Variants in ZNF600 observed in about 807,000 individuals in gnomAD.
ZNF600 encodes the protein zinc finger protein KR-ZNF1.
ZNF600 carries 4 observed loss-of-function variants against 7.3 expected under a neutral mutation model. The observed-to-expected ratio is 0.55, with a 90% confidence interval of 0.27 to 1.25. ZNF600 has a LOEUF of 1.25. Ranked by LOEUF, ZNF600 falls within the 50% of genes most tolerant of loss-of-function variation. ZNF600 has a pLI of 0.12. For missense variants in ZNF600, 911 were observed against 922.1 expected (o/e 0.99, Z 0.16); for synonymous variants, 290 against 308.9 (o/e 0.94, Z 0.64).
At chr19:52,807,557 C>A in the ZNF600 span, among the ~76,000 whole-genome samples, 2 of 152,168 alleles carry the variant, frequency 1.3e-5, no homozygotes, top group Admixed American at 1.3e-4. Flanking sequence ...CAATGCAAAA[C>A]TTGGCCTCCT....
chr19:52,804,086 G>A, the ZNF600 span, among the ~76,000 whole-genome samples: 1 of 152,184 alleles, frequency 6.6e-6, no homozygotes, highest in Non-Finnish European at 1.5e-5. Context: ...CTCATGAATA[G>A]GACTAGTGCA....
At chr19:52,783,330 G>C (rs982902696) in intron 1 of ZNF600, among the ~76,000 whole-genome samples, 1 of 152,060 alleles carries the variant, frequency 6.6e-6, no homozygotes, top group African/African-American at 2.4e-5. Flanking sequence ...GTCCCCCTTC[G>C]TCTTCATTAC....
At chr19:52,765,166 A>T (rs2062558522) in exon 4 of ZNF600, 1 of 448,076 alleles carries the variant, frequency 2.2e-6, no homozygotes, top group Non-Finnish European at 4.5e-6. Context: ...TACTCACTGC[A>T]TTGGGAACAG....
chr19:52,811,003 C>G, the ZNF600 span, among the ~76,000 whole-genome samples: 1 of 147,342 alleles, frequency 6.8e-6, no homozygotes, highest in Non-Finnish European at 1.5e-5. Context: ...GATTCTCCTG[C>G]CTCAGCCTGC....
In ZNF600 at chr19:52,765,678, G is replaced by C. The variant is rs369273562; in HGVS notation, c.2285C>G (p.Pro762Arg). The C allele has an allele frequency of 3.1e-5, 50 of 1,613,800 alleles. No homozygotes were observed. The highest frequency in any genetic ancestry group is 3.9e-5 in the Non-Finnish European group (46 of 1,179,832). Residue 762 changes from proline (P) to arginine (R), a missense_variant, in exon 4 of 4, where the codon CCT becomes CGT. Physicochemically the swap from Pro to Arg is moderately radical, Grantham distance 103 (BLOSUM62 -2). Transcript: ENST00000648973. ...TTTGCCACACTCATTACACTTGTAA[G>C]GTTTCTCTCCAGTGTGAAGTCCAGT...
intron 3 of ZNF600, 80 bp downstream of exon 5, chr19:52,774,495 C>T (rs1250663127): frequency 4.6e-5 from 44 of 963,218 alleles, no homozygotes; most frequent in Admixed American, 6.5e-5. Flanking sequence ...GGCAAAATCA[C>T]AAAAGAGAAC....
At chr19:52,787,859 CAAAAAAA>C (rs561775430), upstream of ZNF600, among the ~76,000 whole-genome samples, 2 of 84,518 alleles carry the variant, frequency 2.4e-5, no homozygotes, top group African/African-American at 8.6e-5. Flanking sequence ...GGCTACGTCT[CAAAAAAA>C]AAAAAGAAAA....
the ZNF600 span, among the ~76,000 whole-genome samples, chr19:52,827,123 T>C: frequency 2.6e-5 from 4 of 151,690 alleles, no homozygotes; most frequent in African/African-American, 9.7e-5. Context: ...CACATGCCTG[T>C]CATCCTAGCT....
exon 1 of ZNF600, chr19:52,786,732 C>T: frequency 2.7e-6 from 1 of 369,196 alleles, no homozygotes; most frequent in Admixed American, 2.6e-5. Context: ...AAAACTCACG[C>T]GCCGTGGTAG....
At chr19:52,773,526 C>A (rs1233508857) in intron 3 of ZNF600, among the ~76,000 whole-genome samples, 1 of 151,878 alleles carries the variant, frequency 6.6e-6, no homozygotes, top group Non-Finnish European at 1.5e-5. Context: ...ATGTAGGAGA[C>A]CATGGGGTTG....
intron 2 of ZNF600, among the ~76,000 whole-genome samples, chr19:52,774,920 G>C (rs917367783): frequency 6.6e-6 from 1 of 151,896 alleles, no homozygotes; most frequent in South Asian, 2.1e-4. Flanking sequence ...CAATTTCATA[G>C]ACAACATAAA....
intron 1 of ZNF600, 93 bp from the exon 4 acceptor site, chr19:52,779,000 G>GT: frequency 8.4e-7 from 1 of 1,194,566 alleles, no homozygotes; most frequent in Non-Finnish European, 1.1e-6. Context: ...TCACCCAGCA[G>GT]AAAGAAGTCC....
chr19:52,818,888 A>G, the ZNF600 span, among the ~76,000 whole-genome samples: 11 of 29,720 alleles, frequency 3.7e-4, 2 homozygotes, highest in Admixed American at 2.5e-3. Context: ...TGTTTGGGAA[A>G]AAAAAAAAAA....
chr19:52,776,392 T>C (rs1183906608), intron 2 of ZNF600, among the ~76,000 whole-genome samples: 2 of 151,840 alleles, frequency 1.3e-5, no homozygotes, highest in African/African-American at 4.8e-5. Context: ...CAGGCATACA[T>C]ATAATCCTTC....
the ZNF600 span, chr19:52,809,822 AGGCGGCGGC>A: frequency 3.2e-5 from 17 of 527,230 alleles, 2 homozygotes; most frequent in Admixed American, 2.2e-4. Flanking sequence ...TGAGCGGCGA[AGGCGGCGGC>A]GGCGGCGGTG....
At chr19:52,771,943 A>T (rs906383332) in intron 3 of ZNF600, among the ~76,000 whole-genome samples, 16 of 152,272 alleles carry the variant, frequency 1.1e-4, no homozygotes, top group African/African-American at 3.6e-4. Flanking sequence ...GAACAGTGAA[A>T]AGAGTGAGAT....
chr19:52,815,514 T>C, the ZNF600 span, among the ~76,000 whole-genome samples: 81 of 137,356 alleles, frequency 5.9e-4, 6 homozygotes, highest in East Asian at 4.6e-3. Context: ...CATAACTCAG[T>C]CTCAAAAAAA....
At chr19:52,771,795 T>A (rs1315438460) in intron 3 of ZNF600, among the ~76,000 whole-genome samples, 1 of 152,128 alleles carries the variant, frequency 6.6e-6, no homozygotes, top group African/African-American at 2.4e-5. Flanking sequence ...TTTAATTTAG[T>A]AGATTCAAGG....
chr19:52,786,344 C>T (rs2062763296), intron 1 of ZNF600, among the ~76,000 whole-genome samples: 1 of 152,182 alleles, frequency 6.6e-6, no homozygotes, highest in Non-Finnish European at 1.5e-5. Context: ...GACGCAGCCT[C>T]CCCGGGGCTG....
Sources: gnomAD v4.1 joint callset for allele counts (sites outside exome capture counted in the v4.1 genomes callset) on GRCh38, gnomAD v4.1.1 for gene constraint, MANE v1.5 for transcripts, NCBI Gene and HGNC (gene_info 2026-07-23, HGNC 2026-07-21) for gene names.